NPAS3: variants seen among roughly 807,000 people sequenced by gnomAD.
NPAS3 encodes the protein neuronal PAS domain-containing protein 3.
A neutral mutation model predicts 73.1 loss-of-function variants in NPAS3; 14 were observed. That is an observed-to-expected ratio of 0.19 (90% CI 0.13 to 0.30). The LOEUF is 0.30. Ranked by LOEUF, NPAS3 falls within the 10% of genes least tolerant of loss-of-function variation. The probability of loss-of-function intolerance (pLI) is 1.00; values close to 1 mark genes in which losing one functional copy is unlikely to be tolerated. For missense variants in NPAS3, 1,096 were observed against 1,250.0 expected (o/e 0.88, Z 1.86); for synonymous variants, 620 against 541.5 (o/e 1.14, Z -2.01).
upstream of NPAS3, among the ~76,000 whole-genome samples, chr14:32,938,457 AAGAGAGAG>A (rs139406191): frequency 4.4e-5 from 3 of 68,666 alleles, no homozygotes; most frequent in African/African-American, 6.5e-5. Flanking sequence ...CCCAACGAGA[AAGAGAGAG>A]AGAGAGAGAG....
intron 4 of NPAS3, among the ~76,000 whole-genome samples, chr14:33,471,024 T>A (rs926334104): frequency 6.6e-6 from 1 of 152,100 alleles, no homozygotes; most frequent in Admixed American, 6.5e-5. Context: ...TCCCTTTGTG[T>A]GATAGAATTG....
rs10131639 is a variant in NPAS3, at chr14:33,787,866, T to A, written c.1154-6031T>A. Reference sequence around the variant, plus strand: ...ACTGTAACTTTTTAGATAAGGAAACTTGTTCTTGTTTTAAGTCTATGTCAG... The same window carrying A: ...ACTGTAACTTTTTAGATAAGGAAACATGTTCTTGTTTTAAGTCTATGTCAG... On this transcript the variant is annotated intron_variant, in intron 9 of 11. Transcript: ENST00000356141. 3.3e-3 allele frequency among the ~76,000 whole-genome samples: 499 copies of A among 152,290 alleles called. 1 individual carries two copies. The highest frequency in any genetic ancestry group is 0.011 in the African/African-American group (477 of 41,554).
intron 3 of NPAS3, among the ~76,000 whole-genome samples, chr14:33,303,352 A>T (rs910309222): frequency 2.0e-5 from 3 of 152,172 alleles, no homozygotes; most frequent in African/African-American, 4.8e-5. Context: ...CCTACTTTAA[A>T]AAATCTATAT....
At position 33,188,523 on chromosome 14, in the gene NPAS3, A is replaced by G. The variant is rs1213622619; in HGVS notation, c.141-26659A>G. ...GGTGTGTTGTAACATTTATTTGTGT[A>G]ATTGTCTTTTATTTCCTTACCAGAT... On this transcript the variant is annotated intron_variant, in intron 2 of 11. Coordinates refer to ENST00000356141, the Ensembl canonical transcript of NPAS3. Among the ~76,000 whole-genome samples, 3 of 152,236 alleles carry G rather than the reference A, an allele frequency of 2.0e-5. No individual in the cohort carries two copies. In the East Asian group the frequency reaches 5.8e-4, roughly 29 times the overall value.
chr14:33,771,068 CT>C (rs532491413), intron 7 of NPAS3, among the ~76,000 whole-genome samples: 77 of 152,266 alleles, frequency 5.1e-4, no homozygotes, highest in South Asian at 4.6e-3. Flanking sequence ...CCCAGGCCAT[CT>C]TGACAATATT....
At chr14:33,649,571 G>A (rs1199228887) in intron 5 of NPAS3, among the ~76,000 whole-genome samples, 1 of 152,194 alleles carries the variant, frequency 6.6e-6, no homozygotes, top group Non-Finnish European at 1.5e-5. Flanking sequence ...TCCATTGTAA[G>A]TTGGTTATTG....
chr14:33,052,850 T>A (rs1566507493), intron 1 of NPAS3, among the ~76,000 whole-genome samples: 1 of 151,528 alleles, frequency 6.6e-6, no homozygotes, highest in East Asian at 1.9e-4. Context: ...TACTTGAACT[T>A]TTTTTTTTAA....
At chr14:33,721,260 C>T (rs1029417852) in intron 6 of NPAS3, among the ~76,000 whole-genome samples, 9 of 152,132 alleles carry the variant, frequency 5.9e-5, no homozygotes, top group African/African-American at 2.2e-4. Context: ...CTTACCTGGT[C>T]GGGGAGAGGT....
chr14:33,272,072 G>A (rs557522743), intron 3 of NPAS3, among the ~76,000 whole-genome samples: 1 of 152,134 alleles, frequency 6.6e-6, no homozygotes, highest in South Asian at 2.1e-4. Context: ...TCAAATTCCA[G>A]GCTTGGGGCC....
chr14:33,476,071 A>C (rs2051020414), intron 4 of NPAS3, among the ~76,000 whole-genome samples: 1 of 152,224 alleles, frequency 6.6e-6, no homozygotes, highest in Admixed American at 6.5e-5. Context: ...ACAGACTTGC[A>C]AACATAACGA....
At chr14:33,731,230 C>G (rs1437515497) in intron 6 of NPAS3, among the ~76,000 whole-genome samples, 1 of 151,758 alleles carries the variant, frequency 6.6e-6, no homozygotes, top group Non-Finnish European at 1.5e-5. Flanking sequence ...GGTGAAACCC[C>G]ATCTACAAAA....
chr14:32,964,313 G>A (rs1020428875), intron 1 of NPAS3, among the ~76,000 whole-genome samples: 3 of 152,044 alleles, frequency 2.0e-5, no homozygotes, highest in African/African-American at 7.2e-5. Flanking sequence ...AAATGAGGAT[G>A]TGAGGAACAG....
chr14:33,618,768 G>C (rs1278554513), intron 5 of NPAS3, among the ~76,000 whole-genome samples: 2 of 152,212 alleles, frequency 1.3e-5, no homozygotes, highest in African/African-American at 4.8e-5. Context: ...ATTTGCCACA[G>C]TTCATAGAAA....
intron 7 of NPAS3, among the ~76,000 whole-genome samples, chr14:33,748,567 A>G (rs866106937): frequency 1.3e-5 from 2 of 152,208 alleles, no homozygotes; most frequent in African/African-American, 4.8e-5. Flanking sequence ...AGAAGTCATG[A>G]AAAACAGAGT....
intron 7 of NPAS3, among the ~76,000 whole-genome samples, chr14:33,757,439 G>A (rs1461095874): frequency 1.3e-5 from 2 of 152,146 alleles, no homozygotes; most frequent in African/African-American, 2.4e-5. Flanking sequence ...ACAGGCAAAT[G>A]AGGAAGACCC....
At chr14:33,621,624 T>A (rs2058077611) in intron 5 of NPAS3, among the ~76,000 whole-genome samples, 1 of 152,144 alleles carries the variant, frequency 6.6e-6, no homozygotes, top group Non-Finnish European at 1.5e-5. Context: ...TAATTATCTT[T>A]CCCTTCTGAT....
At chr14:33,254,649 A>T (rs2048709849) in intron 3 of NPAS3, among the ~76,000 whole-genome samples, 1 of 152,178 alleles carries the variant, frequency 6.6e-6, no homozygotes, top group African/African-American at 2.4e-5. Context: ...AACCAGTTAT[A>T]AAAGCCGTTT....
intron 1 of NPAS3, among the ~76,000 whole-genome samples, chr14:33,052,038 T>G (rs1339664255): frequency 6.6e-6 from 1 of 152,178 alleles, no homozygotes; most frequent in African/African-American, 2.4e-5. Context: ...GGATTACAGG[T>G]GTGAGCCACC....
At chr14:33,322,343 G>A (rs2043487407) in intron 3 of NPAS3, among the ~76,000 whole-genome samples, 1 of 152,108 alleles carries the variant, frequency 6.6e-6, no homozygotes, top group East Asian at 1.9e-4. Flanking sequence ...AATTGTAGAA[G>A]GTTTAATTGT....
Sources: allele counts gnomAD v4.1 joint callset (sites outside exome capture counted in the v4.1 genomes callset), GRCh38; gene constraint gnomAD v4.1.1; transcripts MANE v1.5; gene names NCBI Gene and HGNC (gene_info 2026-07-23, HGNC 2026-07-21).